The following CEP290 variants were observed in gnomAD, a reference collection of about 807,000 sequenced individuals.
CEP290 encodes the protein centrosomal protein of 290 kDa.
Under a neutral mutation model 344.9 loss-of-function variants are expected in CEP290, and 317 were observed. The observed-to-expected ratio is 0.92, with a 90% CI of 0.84 to 1.01. The LOEUF (loss-of-function observed/expected upper bound fraction) is 1.01, where lower values mean the gene tolerates loss of function less well. Among genes scored for constraint, CEP290 ranks in the 50% least tolerant of loss-of-function variants. The pLI is 0.00. For missense variants in CEP290, 2,754 were observed against 2,761.4 expected, an observed-to-expected ratio of 1.00 and a Z score of 0.06; for synonymous variants, 932 against 895.8, an observed-to-expected ratio of 1.04 and a Z score of -0.72.
chr12:88,132,926 C>T (rs1379616832), intron 6 of CEP290, among the ~76,000 whole-genome samples: 1 of 152,102 alleles, frequency 6.6e-6, no homozygotes, highest in Non-Finnish European at 1.5e-5. Context: ...TTGTTCCCCA[C>T]CATGTGTCCA....
chr12:88,125,707 G>T (rs1592658153), intron 12 of CEP290, among the ~76,000 whole-genome samples: 1 of 151,606 alleles, frequency 6.6e-6, no homozygotes, highest in Non-Finnish European at 1.5e-5. Context: ...TTTCTGTTTT[G>T]CTCTGTGCTT....
rs759220460 is a variant in CEP290 at position 88,060,891 on chromosome 12, G to T, written c.6461C>A (p.Ala2154Glu). ...TTTTTCACTAGTCAATATTCCTGAT[G>T]CTTTTTTCAACTGTTCATTTTCTCT... Reference protein sequence around the residue: ...VQRENEQLKKASGILTSEKMA... With the variant: ...VQRENEQLKKESGILTSEKMA... The change falls in exon 47 of 54, where the codon GCA (alanine) becomes GAA (glutamate). Residue 2154 changes from alanine (A) to glutamate (E), a missense_variant. Coordinates refer to ENST00000552810, the MANE Select transcript of CEP290 (RefSeq NM_025114.4). The T allele has an allele frequency of 1.0e-5, 16 of 1,538,424 alleles. No homozygotes were observed. The highest frequency in any genetic ancestry group is 1.4e-5 in the Non-Finnish European group (16 of 1,142,404).
intron 29 of CEP290, among the ~76,000 whole-genome samples, chr12:88,091,957 G>A (rs1475464506): frequency 1.3e-5 from 2 of 151,978 alleles, no homozygotes; most frequent in Non-Finnish European, 2.9e-5. Context: ...TCTGTCACCA[G>A]GCAGGAGTGC....
intron 20 of CEP290, among the ~76,000 whole-genome samples, chr12:88,113,860 A>G (rs1402478087): frequency 6.6e-6 from 1 of 151,942 alleles, no homozygotes; most frequent in Non-Finnish European, 1.5e-5. Flanking sequence ...AGAGATCTAC[A>G]CTCCCATAAA....
chr12:88,073,557 T>C (rs961548006), intron 41 of CEP290, among the ~76,000 whole-genome samples: 1 of 152,226 alleles, frequency 6.6e-6, no homozygotes, highest in Non-Finnish European at 1.5e-5. Context: ...GCATTTCAAT[T>C]ATAATAGTAA....
chr12:88,105,016 G>C (rs143110345), intron 25 of CEP290, among the ~76,000 whole-genome samples: 1 of 152,198 alleles, frequency 6.6e-6, no homozygotes, highest in East Asian at 1.9e-4. Flanking sequence ...CTTGTCTACT[G>C]AGAGACTAGT....
At chr12:88,121,220 T>C in intron 13 of CEP290, 54 bp from the exon 14 acceptor site, 1 of 1,370,842 alleles carries the variant, frequency 7.3e-7, no homozygotes, top group Non-Finnish European at 1.0e-6. Context: ...TTCCTTCAAA[T>C]CAGTGATCCC....
At chr12:88,098,407 T>G (rs374224637) in intron 26 of CEP290, among the ~76,000 whole-genome samples, 19 of 151,464 alleles carry the variant, frequency 1.3e-4, no homozygotes, top group African/African-American at 4.6e-4. Flanking sequence ...TCCAGGAGTT[T>G]GAGACCAGCC....
rs911851669 is a variant in CEP290 at position 88,098,446 on chromosome 12, C to T, written c.2992-1447G>A. 4.0e-5 allele frequency among the ~76,000 whole-genome samples: 6 copies of T among 151,208 alleles called. No homozygotes were observed. In the South Asian group the frequency reaches 6.3e-4, roughly 16 times the overall value. ...GCAACAAAGTGAGACCTCATCTCTACAAAAAAACACAAAAAATTAGCTGAG... is the reference window on the plus strand; with the variant it reads ...GCAACAAAGTGAGACCTCATCTCTATAAAAAAACACAAAAAATTAGCTGAG... On this transcript the variant is annotated intron_variant, in intron 26 of 53. Transcript: ENST00000552810.
chr12:88,118,648 T>G lies in CEP290; in HGVS notation c.1618A>C (p.Lys540Gln). 6.2e-7 allele frequency: 1 copy of G among 1,613,332 alleles called. No homozygotes were observed. Among genetic ancestry groups the G allele is most frequent in the Non-Finnish European group, 8.5e-7 (1 of 1,179,500 alleles). The stretch of plus-strand genomic sequence containing the variant: ...CAACTGACTACCACACTTGCCTCTT[T>G]CAAAAGAATCTGGTTTTCAGCTCTG... ...QYRAENQILL[K>Q]EIESLEEERL... Residue 540 changes from lysine (K) to glutamine (Q), a missense_variant, in exon 16 of 54, where the codon AAA becomes CAA. Coordinates refer to ENST00000552810, the MANE Select transcript of CEP290 (RefSeq NM_025114.4).
At chr12:88,113,776 T>C (rs2038858241) in intron 20 of CEP290, among the ~76,000 whole-genome samples, 1 of 151,936 alleles carries the variant, frequency 6.6e-6, no homozygotes, top group Admixed American at 6.6e-5. Context: ...TAAATCTTTC[T>C]TGTAGCAATG....
chr12:88,079,359 A>T (rs1263793273), intron 38 of CEP290, 130 bp from the exon 39 acceptor site: 1 of 669,982 alleles, frequency 1.5e-6, no homozygotes, highest in African/African-American at 1.9e-5. Context: ...AGTTTAATGG[A>T]ACATATTTCA....
chr12:88,077,298 T>C lies in CEP290; in HGVS notation c.5633A>G (p.Gln1878Arg). Residue 1878 changes from glutamine (Q) to arginine (R), a missense_variant, in exon 41 of 54, where the codon CAA (glutamine) becomes CGA (arginine). Coordinates refer to ENST00000552810, the MANE Select transcript of CEP290 (RefSeq NM_025114.4). ...DNKQSLIEEL[Q>R]RKVKKLENQL... ...GTTCTCTAGTTTTTTAACTTTCCTT[T>C]GGAGTTCTTCAATTAGACTTTGTTT... 1 of 1,597,762 alleles carries C rather than the reference T, an allele frequency of 6.3e-7. No homozygotes were observed.
chr12:88,064,371 T>G (rs1354448723), intron 44 of CEP290, among the ~76,000 whole-genome samples: 1 of 152,106 alleles, frequency 6.6e-6, no homozygotes, highest in African/African-American at 2.4e-5. Flanking sequence ...ATATAATGCC[T>G]TCATGTATAA....
chr12:88,125,225 A>T, intron 13 of CEP290, 21 bp downstream of exon 13: 1 of 666,078 alleles, frequency 1.5e-6, no homozygotes, highest in East Asian at 3.5e-5. Context: ...ATATAAAATA[A>T]CTATATATTT....
At chr12:88,101,338 G>A (rs1236031972) in intron 26 of CEP290, among the ~76,000 whole-genome samples, 5 of 151,766 alleles carry the variant, frequency 3.3e-5, no homozygotes, top group Non-Finnish European at 7.4e-5. Flanking sequence ...AAAATTAGCC[G>A]GGCATGATGG....
chr12:88,115,806 A>G (rs1226037075), intron 18 of CEP290: 10 of 984,222 alleles, frequency 1.0e-5, no homozygotes, highest in African/African-American at 1.7e-5. Context: ...TAACTGTTCT[A>G]TAAGATTTTC....
intron 6 of CEP290, 25 bp downstream of exon 6, chr12:88,136,618 T>C (rs1252491234): frequency 3.1e-6 from 5 of 1,611,552 alleles, no homozygotes; most frequent in South Asian, 1.1e-5. Flanking sequence ...ACAGTGAAGA[T>C]TCATGGAAAA....
In CEP290 at chr12:88,079,350, G is replaced by C; in HGVS notation, c.5227-121C>G. 4 of 729,214 alleles carry C rather than the reference G, an allele frequency of 5.5e-6. No homozygotes were observed. In the East Asian group the frequency reaches 9.7e-5, roughly 18 times the overall value. The allele number at this position is 729,214 out of a possible 1,614,324, so 45.2% of individuals were successfully genotyped here. Reference sequence around the variant, plus strand: ...CTACTATTTTTCTAAAATATTATGAGTTTAATGGAACATATTTCACAAATT... The same window carrying C: ...CTACTATTTTTCTAAAATATTATGACTTTAATGGAACATATTTCACAAATT... On this transcript the variant is annotated intron_variant, in intron 38 of 53. Coordinates refer to ENST00000552810, the MANE Select transcript of CEP290 (RefSeq NM_025114.4).
Sources: gnomAD v4.1 joint callset for allele counts (sites outside exome capture counted in the v4.1 genomes callset) on GRCh38, gnomAD v4.1.1 for gene constraint, MANE v1.5 for transcripts, NCBI Gene and HGNC (gene_info 2026-07-23, HGNC 2026-07-21) for gene names.